The following CFAP61 variants were observed in gnomAD, a reference collection of about 807,000 sequenced individuals.
The protein encoded by CFAP61 is cilia- and flagella-associated protein 61.
In CFAP61, 107 loss-of-function variants were observed where a neutral mutation model predicts 135.6. That is an observed-to-expected ratio of 0.79 (90% confidence interval 0.67 to 0.93). CFAP61 has a LOEUF of 0.93. Ranked by LOEUF, CFAP61 falls within the 40% of genes least tolerant of loss-of-function variation. The pLI is 0.00. For missense variants in CFAP61, 1,507 were observed against 1,556.2 expected, an observed-to-expected ratio of 0.97 and a Z score of 0.53; for synonymous variants, 575 against 578.5, an observed-to-expected ratio of 0.99 and a Z score of 0.09.
intron 13 of CFAP61, among the ~76,000 whole-genome samples, chr20:20,176,677 G>A (rs1018132720): frequency 2.0e-5 from 3 of 152,052 alleles, no homozygotes; most frequent in African/African-American, 4.8e-5. Context: ...GAACACATGC[G>A]GGGGCCGGGA....
chr20:20,260,175 A>G (rs2052040929), intron 20 of CFAP61, among the ~76,000 whole-genome samples: 1 of 152,238 alleles, frequency 6.6e-6, no homozygotes, highest in African/African-American at 2.4e-5. Context: ...CTGCTGTTCA[A>G]TGAAAGAAAA....
intron 17 of CFAP61, chr20:20,200,894 G>A (rs2056583977): frequency 1.0e-6 from 1 of 985,308 alleles, no homozygotes; most frequent in Non-Finnish European, 1.2e-6. Flanking sequence ...CTTTGCGGGT[G>A]CACTGAGGGA....
At chr20:20,281,113 A>T (rs1400524749) in intron 22 of CFAP61, among the ~76,000 whole-genome samples, 1 of 152,190 alleles carries the variant, frequency 6.6e-6, no homozygotes, top group Non-Finnish European at 1.5e-5. Flanking sequence ...TTCTGTATAA[A>T]CATTGTAACT....
chr20:20,357,980 A>C (rs1602195150), intron 26 of CFAP61, among the ~76,000 whole-genome samples: 1 of 79,078 alleles, frequency 1.3e-5, no homozygotes, highest in Admixed American at 1.6e-4. Context: ...GTGTGAGGGG[A>C]GGTGGTCATA....
Position 20,277,303 on chromosome 20 carries a change from T to G in CFAP61, c.2641T>G (p.Ser881Ala). The change falls in exon 22 of 27, where the codon TCG (serine) becomes GCG (alanine). Residue 881 changes from serine (S) to alanine (A), a missense_variant. By Grantham distance (99) the Ser-to-Ala change is moderately conservative. Transcript: ENST00000245957. ...CACCATCACCTGCATCAACAACTAC[T>G]CGGTGGAGAGCGCCGTGGCGGACGC... ...ASTITCINNY[S>A]VESAVADALG... 1 of 1,614,110 alleles carries G rather than the reference T, an allele frequency of 6.2e-7. No homozygotes were observed.
chr20:20,121,499 T>A (rs1169674191), intron 8 of CFAP61, among the ~76,000 whole-genome samples: 1 of 152,010 alleles, frequency 6.6e-6, no homozygotes, highest in African/African-American at 2.4e-5. Flanking sequence ...TTAAAATTTT[T>A]AAATATATTT....
At chr20:20,068,689 C>A (rs908636340) in intron 2 of CFAP61, among the ~76,000 whole-genome samples, 15 of 152,166 alleles carry the variant, frequency 9.9e-5, no homozygotes, top group Non-Finnish European at 1.9e-4. Flanking sequence ...AGGGGGATTT[C>A]ACTTGCTACA....
At chr20:20,214,331 G>T (rs893060313) in intron 17 of CFAP61, 1 of 152,154 alleles carries the variant, frequency 6.6e-6, no homozygotes, top group Non-Finnish European at 1.5e-5. Flanking sequence ...GTGTAACAGA[G>T]CTTTGTGTAT....
chr20:20,054,022 T>TGTTTTTG (rs1216437091), intron 1 of CFAP61, among the ~76,000 whole-genome samples: 9 of 149,318 alleles, frequency 6.0e-5, no homozygotes, highest in South Asian at 2.1e-4. Flanking sequence ...TGTTTTTTTT[T>TGTTTTTG]TTTTTTTTTT....
At chr20:20,104,224 G>A (rs1248593867) in intron 8 of CFAP61, among the ~76,000 whole-genome samples, 1 of 151,890 alleles carries the variant, frequency 6.6e-6, no homozygotes, top group Admixed American at 6.6e-5. Context: ...ATGTCTCCAC[G>A]TAAAACATCG....
chr20:20,231,849 T>C (rs925130590), intron 18 of CFAP61, among the ~76,000 whole-genome samples: 8 of 152,276 alleles, frequency 5.3e-5, no homozygotes, highest in African/African-American at 1.9e-4. Flanking sequence ...CTTAAGACTG[T>C]GTGTTCTTCA....
intron 4 of CFAP61, among the ~76,000 whole-genome samples, chr20:20,074,800 TCTCTGACAGC>T (rs1424849195): frequency 1.3e-5 from 2 of 152,218 alleles, no homozygotes; most frequent in South Asian, 2.1e-4. Flanking sequence ...TGGCGATGTG[TCTCTGACAGC>T]CTCTGACAGC....
At chr20:20,241,812 TC>T (rs1395840233) in intron 18 of CFAP61, among the ~76,000 whole-genome samples, 1 of 152,186 alleles carries the variant, frequency 6.6e-6, no homozygotes, top group Non-Finnish European at 1.5e-5. Context: ...TTAGCATTTT[TC>T]ATTAAATGGT....
At chr20:20,069,038 C>G (rs576632762) in intron 2 of CFAP61, among the ~76,000 whole-genome samples, 1 of 152,166 alleles carries the variant, frequency 6.6e-6, no homozygotes, top group South Asian at 2.1e-4. Flanking sequence ...CCACCGCGCC[C>G]GGCCTTTACC....
At chr20:20,265,387 GC>G in intron 21 of CFAP61, 1 of 779,760 alleles carries the variant, frequency 1.3e-6, no homozygotes, top group Non-Finnish European at 2.4e-6. Context: ...TCTTTCATGT[GC>G]CTTTGTATTG....
intron 17 of CFAP61, among the ~76,000 whole-genome samples, chr20:20,209,271 G>A (rs574538073): frequency 6.6e-5 from 10 of 152,254 alleles, no homozygotes; most frequent in African/African-American, 1.4e-4. Context: ...TTTTTATCAC[G>A]ATGAACAGTG....
chr20:20,053,736 A>G (rs1403002502), intron 1 of CFAP61, among the ~76,000 whole-genome samples: 2 of 152,180 alleles, frequency 1.3e-5, no homozygotes, highest in African/African-American at 4.8e-5. Flanking sequence ...ATTTTATCTC[A>G]CTTTTCAAAA....
At chr20:20,247,468 C>T (rs769173945) in intron 19 of CFAP61, among the ~76,000 whole-genome samples, 7 of 152,192 alleles carry the variant, frequency 4.6e-5, no homozygotes, top group South Asian at 4.1e-4. Context: ...AGCAAGGCTG[C>T]GGAAAGCTGG....
At position 20,331,800 on chromosome 20, in the gene CFAP61, A is replaced by T. The variant is rs187045065; in HGVS notation, c.3423-10031A>T. On this transcript the variant is annotated intron_variant, in intron 25 of 26. Coordinates refer to ENST00000245957, the MANE Select transcript of CFAP61 (RefSeq NM_015585.4). Reference sequence around the variant, plus strand: ...AGAAAATAGATAGGAAATGGGCATGATTGTGAGTGAGGCTGAGTGGCCGCC... The same window carrying T: ...AGAAAATAGATAGGAAATGGGCATGTTTGTGAGTGAGGCTGAGTGGCCGCC... Among the ~76,000 whole-genome samples, 15 of 152,002 alleles carry T rather than the reference A, an allele frequency of 9.9e-5. No individual in the cohort carries two copies. The East Asian group carries it at 2.9e-3, about 29-fold the overall frequency.
Sources: allele counts gnomAD v4.1 joint callset (sites outside exome capture counted in the v4.1 genomes callset), GRCh38; gene constraint gnomAD v4.1.1; transcripts MANE v1.5; gene names NCBI Gene and HGNC (gene_info 2026-07-23, HGNC 2026-07-21).